The following DIP2B variants were observed in gnomAD, a reference collection of about 807,000 sequenced individuals.
DIP2B encodes DIP2 acetate--CoA ligase B (putative), also known as disco-interacting protein 2 homolog B.
Under a neutral mutation model 198.0 loss-of-function variants are expected in DIP2B, and 76 were observed. The ratio of observed to expected loss-of-function variants is 0.38; its 90% CI spans 0.32 to 0.46. The LOEUF is 0.46. DIP2B is among the 20% of genes least tolerant of loss of function. The probability of loss-of-function intolerance (pLI) is 0.99; values close to 1 mark genes in which losing one functional copy is unlikely to be tolerated. For missense variants in DIP2B, 1,559 were observed against 1,978.4 expected, an observed-to-expected ratio of 0.79 and a Z score of 4.02; for synonymous variants, 701 against 739.1, an observed-to-expected ratio of 0.95 and a Z score of 0.84.
At chr12:50,706,422 G>C (rs1226570233) in intron 20 of DIP2B, 116 bp from the exon 21 acceptor site, 1 of 1,224,718 alleles carries the variant, frequency 8.2e-7, no homozygotes, top group East Asian at 2.4e-5. Context: ...CGTAAAATAT[G>C]GCAGTTGTGT....
chr12:50,575,460 G>C (rs938724918), intron 1 of DIP2B, among the ~76,000 whole-genome samples: 169 of 151,554 alleles, frequency 1.1e-3, no homozygotes, highest in African/African-American at 4.0e-3. Flanking sequence ...ATGGCTCACT[G>C]CAGCCTTGAC....
intron 1 of DIP2B, among the ~76,000 whole-genome samples, chr12:50,595,544 A>T (rs931703275): frequency 6.6e-6 from 1 of 152,128 alleles, no homozygotes; most frequent in Non-Finnish European, 1.5e-5. Context: ...GGCTCAAGCA[A>T]TCTGTCTGCC....
chr12:50,739,537 A>G lies in DIP2B; in HGVS notation c.4305A>G (p.Thr1435=), dbSNP rs1408431522. 3.1e-6 allele frequency: 5 copies of G among 1,614,078 alleles called. No homozygotes were observed. The highest frequency in any genetic ancestry group is 4.2e-6 in the Non-Finnish European group (5 of 1,180,018). ...GDAAQTLWAR[T]GYLGFVRRTE... ...CAGCTCAGACACTCTGGGCTCGGAC[A>G]GGATACCTTGGTTTTGTCCGCCGGA... is the stretch of plus-strand genomic sequence containing the variant. Residue 1435 remains threonine (T), a synonymous_variant, in exon 36 of 38, where the codon ACA becomes ACG. Transcript: ENST00000301180.
In DIP2B at chr12:50,728,660, C is replaced by T. The variant is rs113676449; in HGVS notation, c.3623C>T (p.Ala1208Val). The change falls in exon 30 of 38, where the codon GCG becomes GTG. Residue 1208 changes from alanine to valine, a missense_variant. Coordinates refer to ENST00000301180, the MANE Select transcript of DIP2B (RefSeq NM_173602.3). ...CLDPYCGLGFALWCLCSVYSG... is the reference protein window; with the variant it reads ...CLDPYCGLGFVLWCLCSVYSG... Reference sequence around the variant, plus strand: ...GACCCTTACTGTGGACTTGGCTTCGCGCTCTGGTGTCTCTGCAGGTAGGGA... The same window carrying T: ...GACCCTTACTGTGGACTTGGCTTCGTGCTCTGGTGTCTCTGCAGGTAGGGA... 15 of 1,613,800 alleles carry T rather than the reference C, an allele frequency of 9.3e-6. No individual in the cohort carries two copies. The highest frequency in any genetic ancestry group is 1.3e-5 in the African/African-American group (1 of 74,894).
At chr12:50,724,993 C>G in intron 28 of DIP2B, 107 bp downstream of exon 28, 1 of 1,122,690 alleles carries the variant, frequency 8.9e-7, no homozygotes, top group South Asian at 1.3e-5. Flanking sequence ...ATGTCTTCTG[C>G]CTGCTAAGAC....
At chr12:50,544,906 C>T (rs1483978511) in intron 1 of DIP2B, among the ~76,000 whole-genome samples, 6 of 152,006 alleles carry the variant, frequency 3.9e-5, no homozygotes, top group Non-Finnish European at 2.9e-5. Context: ...CGTGAGCCAC[C>T]GCGCCTGGCT....
intron 1 of DIP2B, among the ~76,000 whole-genome samples, chr12:50,559,709 C>CCA (rs55678718): frequency 0.2 from 27,221 of 139,440 alleles, 2,791 homozygotes; most frequent in South Asian, 0.3. Context: ...GTGACAGAAA[C>CCA]CACACACACA....
intron 1 of DIP2B, among the ~76,000 whole-genome samples, chr12:50,576,115 G>A (rs920582872): frequency 6.6e-6 from 1 of 151,388 alleles, no homozygotes; most frequent in African/African-American, 2.4e-5. Context: ...TGTTGCCCAG[G>A]CTGGAGTGCA....
chr12:50,689,488 G>A (rs1193066837), intron 12 of DIP2B, among the ~76,000 whole-genome samples: 1 of 152,248 alleles, frequency 6.6e-6, no homozygotes, highest in East Asian at 1.9e-4. Flanking sequence ...AGAGCAGGCA[G>A]GGCTTAGTTA....
At chr12:50,729,461 C>T (rs1344297738) in intron 30 of DIP2B, among the ~76,000 whole-genome samples, 1 of 152,264 alleles carries the variant, frequency 6.6e-6, no homozygotes, top group East Asian at 1.9e-4. Flanking sequence ...GAGGTGGAGA[C>T]CACACCACCA....
At chr12:50,719,291 A>G (rs771520539) in intron 25 of DIP2B, among the ~76,000 whole-genome samples, 6 of 152,140 alleles carry the variant, frequency 3.9e-5, no homozygotes, top group Non-Finnish European at 2.9e-5. Context: ...CTGATAGGAG[A>G]AATGGAGCCA....
At chr12:50,565,579 G>A (rs929127980) in intron 1 of DIP2B, among the ~76,000 whole-genome samples, 1 of 152,008 alleles carries the variant, frequency 6.6e-6, no homozygotes, top group Admixed American at 6.6e-5. Context: ...TATTTCCATG[G>A]CATTCTAAGA....
intron 1 of DIP2B, among the ~76,000 whole-genome samples, chr12:50,575,533 T>G (rs1958651717): frequency 6.6e-6 from 1 of 152,090 alleles, no homozygotes; most frequent in South Asian, 2.1e-4. Flanking sequence ...CAGCTGAGAC[T>G]ACAGGCACAT....
intron 1 of DIP2B, among the ~76,000 whole-genome samples, chr12:50,553,440 A>G (rs1212630930): frequency 6.6e-6 from 1 of 152,224 alleles, no homozygotes; most frequent in East Asian, 1.9e-4. Flanking sequence ...TTTATTGAAT[A>G]AAGGCATTAA....
At chr12:50,731,239 G>T in intron 30 of DIP2B, 130 bp from the exon 31 acceptor site, 1 of 1,119,518 alleles carries the variant, frequency 8.9e-7, no homozygotes, top group Non-Finnish European at 1.2e-6. Flanking sequence ...CTGATTCTTA[G>T]AGCTTTATAT....
At chr12:50,646,648 C>T (rs1938356158) in intron 3 of DIP2B, among the ~76,000 whole-genome samples, 2 of 152,124 alleles carry the variant, frequency 1.3e-5, no homozygotes, top group Admixed American at 6.5e-5. Context: ...CCTCAAACTC[C>T]TGGCCTCAAG....
chr12:50,543,982 C>T (rs943272130), intron 1 of DIP2B, among the ~76,000 whole-genome samples: 10 of 146,448 alleles, frequency 6.8e-5, no homozygotes, highest in Non-Finnish European at 1.0e-4. Context: ...GTAATTCCAG[C>T]GCTTTGGGAG....
At chr12:50,699,026 T>C in intron 18 of DIP2B, 40 bp from the exon 19 acceptor site, 1 of 1,600,214 alleles carries the variant, frequency 6.2e-7, no homozygotes, top group Admixed American at 1.7e-5. Context: ...AAAAGTTTTC[T>C]AGAATCTTTG....
chr12:50,535,411 G>T (rs1312089742), intron 1 of DIP2B, among the ~76,000 whole-genome samples: 4 of 149,936 alleles, frequency 2.7e-5, no homozygotes, highest in Admixed American at 1.3e-4. Flanking sequence ...CTGTCACCCA[G>T]GCTGGAGTGC....
Sources: allele counts gnomAD v4.1 joint callset (sites outside exome capture counted in the v4.1 genomes callset), GRCh38; gene constraint gnomAD v4.1.1; transcripts MANE v1.5; gene names NCBI Gene and HGNC (gene_info 2026-07-23, HGNC 2026-07-21).